The following DOCK3 variants were observed in gnomAD, a reference collection of about 807,000 sequenced individuals.
DOCK3 encodes the protein dedicator of cytokinesis protein 3.
Under a neutral mutation model 265.6 loss-of-function variants are expected in DOCK3, and 60 were observed. That is an observed-to-expected ratio of 0.23 (90% CI 0.18 to 0.28). DOCK3 has a LOEUF of 0.28. Ranked by LOEUF, DOCK3 falls within the 10% of genes least tolerant of loss-of-function variation. DOCK3 has a pLI of 1.00. For synonymous variants in DOCK3, 881 were observed against 938.0 expected, an observed-to-expected ratio of 0.94 and a Z score of 1.11; for missense variants, 1,981 against 2,594.3, an observed-to-expected ratio of 0.76 and a Z score of 5.14.
intron 2 of DOCK3, among the ~76,000 whole-genome samples, chr3:50,821,281 T>C (rs1420908835): frequency 6.6e-6 from 1 of 151,908 alleles, no homozygotes; most frequent in Non-Finnish European, 1.5e-5. Context: ...AGGTATTTCC[T>C]AGGTTTTCTT....
chr3:51,168,595 G>A (rs887281557), intron 12 of DOCK3, among the ~76,000 whole-genome samples: 3 of 152,156 alleles, frequency 2.0e-5, no homozygotes, highest in Non-Finnish European at 4.4e-5. Flanking sequence ...ATCAACTCAA[G>A]ATGGATTAAA....
intron 5 of DOCK3, among the ~76,000 whole-genome samples, chr3:50,941,982 T>C (rs969779705): frequency 6.6e-6 from 1 of 152,084 alleles, no homozygotes; most frequent in African/African-American, 2.4e-5. Context: ...ATTGTGGTGA[T>C]AGCTATTTGA....
chr3:51,128,944 G>A (rs2084388688), intron 9 of DOCK3, among the ~76,000 whole-genome samples: 1 of 152,128 alleles, frequency 6.6e-6, no homozygotes, highest in South Asian at 2.1e-4. Context: ...CTATCTACTT[G>A]ATTATTAAAA....
chr3:50,859,223 T>G (rs1284690881), intron 3 of DOCK3, among the ~76,000 whole-genome samples: 2 of 143,724 alleles, frequency 1.4e-5, no homozygotes, highest in Non-Finnish European at 3.0e-5. Flanking sequence ...TTTTTTTTTT[T>G]TTTTTTTTTT....
chr3:50,802,346 A>G (rs555748207), intron 2 of DOCK3, among the ~76,000 whole-genome samples: 1 of 152,164 alleles, frequency 6.6e-6, no homozygotes, highest in South Asian at 2.1e-4. Flanking sequence ...TTTGTGTATG[A>G]GTCCTACCAA....
intron 25 of DOCK3, 101 bp downstream of exon 25, chr3:51,275,307 G>T: frequency 6.5e-7 from 1 of 1,542,804 alleles, no homozygotes; most frequent in Non-Finnish European, 8.8e-7. Flanking sequence ...ACACTTTTCA[G>T]TCACAGATGC....
At chr3:51,122,380 T>C (rs775168914) in intron 9 of DOCK3, among the ~76,000 whole-genome samples, 22 of 151,884 alleles carry the variant, frequency 1.4e-4, no homozygotes, top group Non-Finnish European at 3.1e-4. Flanking sequence ...CTTGGGAGGC[T>C]CAGATGGGAA....
At chr3:50,765,565 A>G (rs2040824362) in intron 1 of DOCK3, among the ~76,000 whole-genome samples, 1 of 152,052 alleles carries the variant, frequency 6.6e-6, no homozygotes, top group African/African-American at 2.4e-5. Flanking sequence ...TAGCAGGTAT[A>G]ATTTATTTAT....
chr3:51,333,925 C>T (rs2084695019), intron 35 of DOCK3, among the ~76,000 whole-genome samples: 1 of 151,678 alleles, frequency 6.6e-6, no homozygotes, highest in African/African-American at 2.4e-5. Flanking sequence ...ACTGCAGCCT[C>T]GAAGTCCTAG....
chr3:50,710,075 A>G (rs1297525902), intron 1 of DOCK3, among the ~76,000 whole-genome samples: 3 of 152,186 alleles, frequency 2.0e-5, no homozygotes, highest in African/African-American at 7.2e-5. Flanking sequence ...CTATGAGGTA[A>G]TATCAGAAAA....
chr3:51,299,785 T>TAC (rs2082281346), intron 27 of DOCK3, among the ~76,000 whole-genome samples: 1 of 152,212 alleles, frequency 6.6e-6, no homozygotes, highest in East Asian at 1.9e-4. Flanking sequence ...TTTGTTTTGG[T>TAC]ACCACTACCA....
intron 9 of DOCK3, among the ~76,000 whole-genome samples, chr3:51,110,431 C>T (rs1419139062): frequency 2.0e-5 from 3 of 152,108 alleles, no homozygotes; most frequent in African/African-American, 4.8e-5. Flanking sequence ...ATGCAAAAAT[C>T]CTCAACAAAA....
At chr3:51,260,967 G>C (rs901953965) in intron 23 of DOCK3, among the ~76,000 whole-genome samples, 1 of 151,928 alleles carries the variant, frequency 6.6e-6, no homozygotes, top group Non-Finnish European at 1.5e-5. Flanking sequence ...CTGGGCAACA[G>C]ACTGAGACTC....
At chr3:51,201,886 C>T (rs1440834121) in intron 12 of DOCK3, among the ~76,000 whole-genome samples, 1 of 152,180 alleles carries the variant, frequency 6.6e-6, no homozygotes, top group Non-Finnish European at 1.5e-5. Flanking sequence ...AACTGCTCAA[C>T]TACATGGAGA....
At chr3:51,083,621 C>G (rs77633284) in intron 7 of DOCK3, among the ~76,000 whole-genome samples, 6,996 of 152,192 alleles carry the variant, frequency 0.046, 584 homozygotes, top group African/African-American at 0.16. Context: ...AATCCTGGAA[C>G]TGAAGCTTTA....
rs1240003740 is a variant in DOCK3, at chr3:51,225,663, G to A, written c.1267G>A (p.Asp423Asn). ...DVIMPGDIRNDLYLTLEKGDF... is the reference protein window; with the variant it reads ...DVIMPGDIRNNLYLTLEKGDF... ...TTTCCCCGCAGGTGATATCCGCAAT[G>A]ACCTGTACCTAACCCTGGAGAAGGG... is the stretch of plus-strand genomic sequence containing the variant. The change falls in exon 15 of 53, where the codon GAC (aspartate) becomes AAC (asparagine). Residue 423 changes from aspartate to asparagine, a missense_variant. By Grantham distance (23) the Asp-to-Asn change is conservative. This residue lies in a region of DOCK3 where 456 missense variants were observed against 539.0 expected (regional missense o/e 0.85). Transcript: ENST00000266037. 6.2e-7 allele frequency: 1 copy of A among 1,613,048 alleles called. No homozygotes were observed. The highest frequency in any genetic ancestry group is 1.7e-5 in the Admixed American group (1 of 59,880).
At chr3:51,165,694 G>T (rs2086367198) in intron 12 of DOCK3, among the ~76,000 whole-genome samples, 1 of 152,114 alleles carries the variant, frequency 6.6e-6, no homozygotes, top group African/African-American at 2.4e-5. Context: ...AGATTATGTA[G>T]TATTTGTCTT....
chr3:50,981,924 A>C (rs1352418915), intron 5 of DOCK3, among the ~76,000 whole-genome samples: 1 of 152,116 alleles, frequency 6.6e-6, no homozygotes, highest in Non-Finnish European at 1.5e-5. Flanking sequence ...ATCTTGGCTC[A>C]CTGCAACCTC....
rs529259750 is a variant in DOCK3 at position 50,859,794 on chromosome 3, G to A, written c.162+18079G>A. 3.9e-5 allele frequency among the ~76,000 whole-genome samples: 6 copies of A among 152,300 alleles called. No homozygotes were observed. The South Asian group carries it at 1.2e-3, about 32-fold the overall frequency. On this transcript the variant is annotated intron_variant, in intron 3 of 52. Coordinates refer to ENST00000266037, the MANE Select transcript of DOCK3 (RefSeq NM_004947.5). ...AGGCGACACTTAGGCTCATTGGTCA[G>A]TTGGTAGACTCTTGCTCAGTTGTGT...
Sources: allele counts gnomAD v4.1 joint callset (sites outside exome capture counted in the v4.1 genomes callset), GRCh38; gene constraint gnomAD v4.1.1; regional missense constraint gnomAD v4.1.1; transcripts MANE v1.5; gene names NCBI Gene and HGNC (gene_info 2026-07-23, HGNC 2026-07-21).